The following LEKR1 variants were observed in gnomAD, a reference collection of about 807,000 sequenced individuals.
The protein encoded by LEKR1 is leucine, glutamate and lysine rich 1.
A neutral mutation model predicts 72.4 loss-of-function variants in LEKR1; 59 were observed. That is an observed-to-expected ratio of 0.82 (90% CI 0.66 to 1.01). The LOEUF is 1.01. Among genes scored for constraint, LEKR1 ranks in the 50% least tolerant of loss-of-function variants. The probability of loss-of-function intolerance (pLI) is 0.00; values close to 1 mark genes in which losing one functional copy is unlikely to be tolerated. For synonymous variants in LEKR1, 257 were observed against 263.2 expected, an observed-to-expected ratio of 0.98 and a Z score of 0.23; for missense variants, 728 against 759.2, an observed-to-expected ratio of 0.96 and a Z score of 0.48.
At chr3:156,932,655 G>A (rs1161741563) in intron 5 of LEKR1, among the ~76,000 whole-genome samples, 2 of 146,902 alleles carry the variant, frequency 1.4e-5, no homozygotes, top group African/African-American at 5.1e-5. Context: ...GGAGGTTGCA[G>A]TGAACATGTC....
In LEKR1 at chr3:156,920,648, T is replaced by G. The variant is rs1415245350; in HGVS notation, c.337T>G (p.Leu113Val). ...GAAAGTAAAGAAACAACTGAGTCAT[T>G]TGCAAGATGAGCTAAAAATTAAATA... ...FQKVKKQLSH[L>V]QDELKIKYRQ... The change falls in exon 4 of 13, where the codon TTG becomes GTG. Residue 113 changes from leucine to valine, a missense_variant. By Grantham distance (32) the Leu-to-Val change is conservative. Coordinates refer to ENST00000356539, the MANE Select transcript of LEKR1 (RefSeq NM_001004316.3). The G allele has an allele frequency of 1.7e-5, 25 of 1,451,622 alleles. No homozygotes were observed. Among genetic ancestry groups the G allele is most frequent in the Non-Finnish European group, 2.0e-5 (21 of 1,075,460 alleles). The allele number at this position is 1,451,622 out of a possible 1,614,324, so 89.9% of individuals were successfully genotyped here.
At chr3:157,024,639 A>T (rs1019376093) in intron 10 of LEKR1, 121 bp from the exon 11 acceptor site, 3 of 809,966 alleles carry the variant, frequency 3.7e-6, no homozygotes, top group Admixed American at 3.3e-5. Flanking sequence ...TAGAATTTTT[A>T]AAATAGTTTA....
intron 6 of LEKR1, among the ~76,000 whole-genome samples, chr3:156,976,668 G>T (rs1271530436): frequency 1.3e-5 from 2 of 152,184 alleles, no homozygotes; most frequent in East Asian, 3.9e-4. Flanking sequence ...TAACAGATTT[G>T]TAGCCACACT....
chr3:156,830,520 A>G (rs1190558343), intron 2 of LEKR1, among the ~76,000 whole-genome samples: 1 of 152,220 alleles, frequency 6.6e-6, no homozygotes, highest in African/African-American at 2.4e-5. Context: ...TTAGATATGT[A>G]TATATAAAGG....
chr3:156,927,651 G>A (rs891353499), intron 5 of LEKR1, 47 bp downstream of exon 5: 9 of 743,598 alleles, frequency 1.2e-5, no homozygotes, highest in African/African-American at 2.0e-5. Context: ...TTGGTAAATG[G>A]TACATCATAA....
chr3:156,982,372 C>G (rs1730273675), intron 7 of LEKR1, among the ~76,000 whole-genome samples: 1 of 49,340 alleles, frequency 2.0e-5, no homozygotes, highest in African/African-American at 7.5e-5. Context: ...TGCCTGCAGG[C>G]AGGAAGGGAT....
chr3:156,890,712 A>G (rs1412975515), intron 3 of LEKR1, among the ~76,000 whole-genome samples: 8 of 152,126 alleles, frequency 5.3e-5, no homozygotes, highest in Non-Finnish European at 1.0e-4. Context: ...TTACCAGACA[A>G]CTGAGACCTC....
At chr3:156,996,445 A>T (rs9827477) in intron 9 of LEKR1, among the ~76,000 whole-genome samples, 5,455 of 150,526 alleles carry the variant, frequency 0.036, 343 homozygotes, top group African/African-American at 0.12. Flanking sequence ...GCAGGGTCAC[A>T]TCATGCAGGG....
intron 4 of LEKR1, among the ~76,000 whole-genome samples, chr3:156,921,841 A>G (rs779338300): frequency 2.1e-4 from 32 of 152,186 alleles, no homozygotes; most frequent in Non-Finnish European, 1.0e-4. Context: ...GGACTGATAC[A>G]CTTGATCCTA....
At chr3:156,924,767 A>G (rs972530205) in intron 4 of LEKR1, 36 of 368,774 alleles carry the variant, frequency 9.8e-5, no homozygotes, top group African/African-American at 7.1e-4. Context: ...ATAAATGTAA[A>G]GGATTATTTT....
intron 3 of LEKR1, among the ~76,000 whole-genome samples, chr3:156,905,195 A>G (rs1722414386): frequency 6.6e-6 from 1 of 152,144 alleles, no homozygotes; most frequent in African/African-American, 2.4e-5. Context: ...AAAGGTAAAT[A>G]TTTCTGATCC....
Position 156,849,512 on chromosome 3 carries a change from A to G in LEKR1, c.49-3256A>G, listed in dbSNP as rs1313056756. Among the ~76,000 whole-genome samples, 8 of 152,300 alleles carry G rather than the reference A, an allele frequency of 5.3e-5. No individual in the cohort carries two copies. In the East Asian group the frequency reaches 1.5e-3, roughly 29 times the overall value. On this transcript the variant is annotated intron_variant, in intron 2 of 12. Transcript: ENST00000356539. ...ACGCTACCTGACTTCAAACTATACT[A>G]CAAGGCTACAGTAACCAAAACAGCA...
chr3:156,842,974 A>G (rs983045482), intron 2 of LEKR1, among the ~76,000 whole-genome samples: 2 of 152,182 alleles, frequency 1.3e-5, no homozygotes, highest in Non-Finnish European at 2.9e-5. Flanking sequence ...GCTGCACTCT[A>G]CAGGTTAATT....
chr3:156,955,391 G>A (rs1010183319), intron 6 of LEKR1, among the ~76,000 whole-genome samples: 6 of 151,968 alleles, frequency 3.9e-5, no homozygotes, highest in African/African-American at 1.4e-4. Flanking sequence ...TGTTTTATAG[G>A]AGTGGTGAGA....
chr3:156,829,442 C>A, intron 2 of LEKR1, 65 bp downstream of exon 2: 1 of 1,135,498 alleles, frequency 8.8e-7, no homozygotes, highest in Non-Finnish European at 1.2e-6. Context: ...AATTCTAAAA[C>A]CTAGAGGAGT....
At chr3:156,932,751 C>T (rs942649755) in intron 5 of LEKR1, among the ~76,000 whole-genome samples, 13 of 147,700 alleles carry the variant, frequency 8.8e-5, no homozygotes, top group Non-Finnish European at 1.6e-4. Flanking sequence ...AATGGAGCAG[C>T]TGGGCATGGT....
chr3:156,827,074 TTAAAGGGAC>T (rs1404080218), intron 1 of LEKR1: 1 of 152,674 alleles, frequency 6.5e-6, no homozygotes, highest in Non-Finnish European at 1.5e-5. Flanking sequence ...TGAGAAAGGA[TTAAAGGGAC>T]TTGTTTGATA....
At chr3:156,876,938 G>A (rs1718668519) in intron 3 of LEKR1, among the ~76,000 whole-genome samples, 1 of 136,594 alleles carries the variant, frequency 7.3e-6, no homozygotes, top group African/African-American at 2.5e-5. Context: ...TCCCCATTCA[G>A]TATAATGTTG....
chr3:156,960,312 G>A (rs1467780243), intron 6 of LEKR1, among the ~76,000 whole-genome samples: 3 of 152,146 alleles, frequency 2.0e-5, no homozygotes, highest in African/African-American at 4.8e-5. Flanking sequence ...TTGAGATGGA[G>A]TCTCACTCTG....
Sources: allele counts gnomAD v4.1 joint callset (sites outside exome capture counted in the v4.1 genomes callset), GRCh38; gene constraint gnomAD v4.1.1; transcripts MANE v1.5; gene names NCBI Gene and HGNC (gene_info 2026-07-23, HGNC 2026-07-21).